The following PUM1 variants were observed in gnomAD, a reference collection of about 807,000 sequenced individuals.
The protein encoded by PUM1 is pumilio homolog 1.
Under a neutral mutation model 131.8 loss-of-function variants are expected in PUM1, and 13 were observed. That is an observed-to-expected ratio of 0.10 (90% CI 0.06 to 0.16). The LOEUF is 0.16. Ranked by LOEUF, PUM1 falls within the 10% of genes least tolerant of loss-of-function variation. PUM1 has a pLI of 1.00. For missense variants in PUM1, 961 were observed against 1,512.4 expected (o/e 0.64, Z 6.05); for synonymous variants, 509 against 556.5 (o/e 0.91, Z 1.20).
At position 30,953,767 on chromosome 1, in the gene PUM1, C is replaced by T. The variant is rs761006925; in HGVS notation, c.2538G>A (p.Leu846=). Residue 846 remains leucine, a synonymous_variant, in exon 15 of 22, where the codon CTG becomes CTA. Transcript: ENST00000426105. ...CCATTATATGTCCAGCAATCTCCCG[C>T]AGTTGTAAATTGGGGTACCGGTTGT... is the stretch of plus-strand genomic sequence containing the variant. The part of the protein sequence containing the change: ...FRNNRYPNLQ[L]REIAGHIMEF... 2 of 1,614,212 alleles carry T rather than the reference C, an allele frequency of 1.2e-6. No homozygotes were observed. The highest frequency in any genetic ancestry group is 1.7e-6 in the Non-Finnish European group (2 of 1,180,040).
At chr1:30,962,831 C>G (rs575079847) in intron 14 of PUM1, among the ~76,000 whole-genome samples, 4 of 152,144 alleles carry the variant, frequency 2.6e-5, no homozygotes, top group Non-Finnish European at 5.9e-5. Flanking sequence ...CAGACACCAT[C>G]TGGCCTATAA....
In PUM1 at chr1:31,008,683, G is replaced by T. The variant is rs369423234; in HGVS notation, c.433-1581C>A. On this transcript the variant is annotated intron_variant, in intron 3 of 21. Coordinates refer to ENST00000426105, the MANE Select transcript of PUM1 (RefSeq NM_001020658.2). The stretch of plus-strand genomic sequence containing the variant: ...TGAAGAAAATATCGTTCAAGTTGCT[G>T]TGATGATTAGAAATATTGTTGATGA... Among the ~76,000 whole-genome samples, 7 of 152,152 alleles carry T rather than the reference G, an allele frequency of 4.6e-5. No homozygotes were observed. The South Asian group carries it at 8.3e-4, about 18-fold the overall frequency.
In PUM1 at chr1:30,936,796, C is replaced by T. The variant is rs150518018; in HGVS notation, c.3282G>A (p.Thr1094=). 4.6e-5 allele frequency: 75 copies of T among 1,613,714 alleles called. No individual in the cohort carries two copies. In the African/African-American group the frequency reaches 7.5e-4, roughly 16 times the overall value. The change falls in exon 21 of 22, where the codon ACG becomes ACA. Residue 1094 remains threonine, a synonymous_variant. Coordinates refer to ENST00000426105, the MANE Select transcript of PUM1 (RefSeq NM_001020658.2). ...VEKCVTHASR[T]ERAVLIDEVC... ...CCTCATCGATGAGCACAGCGCGCTC[C>T]GTACGTGAGGCGTGAGTAACACACT...
In PUM1 at chr1:31,065,660, C is replaced by G. The variant is rs767709044; in HGVS notation, c.-56G>C. 2 of 1,549,896 alleles carry G rather than the reference C, an allele frequency of 1.3e-6. No individual in the cohort carries two copies. The highest frequency in any genetic ancestry group is 1.7e-6 in the Non-Finnish European group (2 of 1,146,872). ...AGATGGATTTCAGCCCCCCGATCTTCTCTCTCTGGCGCTCTCGCTCCCCCT... is the reference window on the plus strand; with the variant it reads ...AGATGGATTTCAGCCCCCCGATCTTGTCTCTCTGGCGCTCTCGCTCCCCCT... On this transcript the variant is annotated 5_prime_UTR_variant, in exon 1 of 22. Coordinates refer to ENST00000426105, the MANE Select transcript of PUM1 (RefSeq NM_001020658.2).
At chr1:30,939,083 T>G (rs1639340594) in intron 20 of PUM1, among the ~76,000 whole-genome samples, 3 of 152,188 alleles carry the variant, frequency 2.0e-5, no homozygotes, top group African/African-American at 4.8e-5. Flanking sequence ...CTTTACTAAT[T>G]CCAATAACTG....
intron 1 of PUM1, among the ~76,000 whole-genome samples, chr1:31,064,725 G>T (rs534197074): frequency 7.4e-4 from 98 of 133,006 alleles, no homozygotes; most frequent in African/African-American, 2.7e-3. Context: ...GCCTTCTCTG[G>T]TAATGCTGTG....
chr1:31,061,911 AGAGT>A (rs1454234489), intron 1 of PUM1: 1 of 152,324 alleles, frequency 6.6e-6, no homozygotes, highest in Non-Finnish European at 1.5e-5. Flanking sequence ...CTTGGGCGAC[AGAGT>A]GAGTTCCTGT....
intron 14 of PUM1, among the ~76,000 whole-genome samples, chr1:30,960,867 C>A (rs80176694): frequency 1.3e-5 from 2 of 151,898 alleles, no homozygotes; most frequent in African/African-American, 4.8e-5. Flanking sequence ...AGAAAATATT[C>A]CCCCAAGAGT....
intron 2 of PUM1, chr1:31,055,318 C>T (rs921039735): frequency 1.8e-5 from 8 of 455,948 alleles, no homozygotes; most frequent in Admixed American, 4.7e-5. Context: ...TTTACCTGAG[C>T]GCAAAACTGA....
chr1:30,941,763 A>G (rs1639446240), intron 19 of PUM1, among the ~76,000 whole-genome samples: 1 of 152,202 alleles, frequency 6.6e-6, no homozygotes, highest in African/African-American at 2.4e-5. Context: ...TGACACCACA[A>G]GTACATGACA....
chr1:31,055,470 T>C (rs1017027981), intron 2 of PUM1: 1 of 444,196 alleles, frequency 2.3e-6, no homozygotes. Context: ...TACAATACAC[T>C]ATAATGACTA....
chr1:31,042,562 A>C (rs917434649), intron 2 of PUM1, among the ~76,000 whole-genome samples: 2 of 152,236 alleles, frequency 1.3e-5, no homozygotes, highest in Non-Finnish European at 2.9e-5. Context: ...GCTTTCACTC[A>C]AAATGGCAGA....
chr1:30,964,809 T>C lies in PUM1; in HGVS notation c.2188A>G (p.Ser730Gly). 1.2e-6 allele frequency: 2 copies of C among 1,614,106 alleles called. No homozygotes were observed. Among genetic ancestry groups the C allele is most frequent in the African/African-American group, 1.3e-5 (1 of 75,016 alleles). Reference protein sequence around the residue: ...TSSSLTPIGHSFYNGLSFSSS... With the variant: ...TSSSLTPIGHGFYNGLSFSSS... ...GAAAAGCTAAGGCCGTTATAAAAAC[T>C]GTGTCCAATGGGGGTCAAGCTGCTC... Residue 730 changes from serine (S) to glycine (G), a missense_variant, in exon 14 of 22, where the codon AGT becomes GGT. This residue lies in a region of PUM1 where 654 missense variants were observed against 923.9 expected (regional missense o/e 0.71). Transcript: ENST00000426105.
chr1:30,970,440 AAAT>A (rs1557561666), intron 10 of PUM1, among the ~76,000 whole-genome samples: 1 of 152,214 alleles, frequency 6.6e-6, no homozygotes, highest in Non-Finnish European at 1.5e-5. Flanking sequence ...GAAATATCTC[AAAT>A]AATGTGTTTA....
intron 4 of PUM1, among the ~76,000 whole-genome samples, chr1:31,006,354 T>C (rs936537862): frequency 6.6e-6 from 1 of 152,220 alleles, no homozygotes; most frequent in Non-Finnish European, 1.5e-5. Flanking sequence ...AAACAAAATA[T>C]GATTTTACTG....
At chr1:30,954,810 C>G (rs1640081111) in intron 14 of PUM1, among the ~76,000 whole-genome samples, 1 of 152,012 alleles carries the variant, frequency 6.6e-6, no homozygotes, top group Non-Finnish European at 1.5e-5. Context: ...TGTCTGTAAA[C>G]CCAACACTTT....
chr1:30,949,547 G>A (rs1322764806), intron 17 of PUM1, among the ~76,000 whole-genome samples: 3 of 151,066 alleles, frequency 2.0e-5, no homozygotes, highest in Non-Finnish European at 4.4e-5. Context: ...GGGACTCTGG[G>A]AAGGGTGAGG....
intron 3 of PUM1, among the ~76,000 whole-genome samples, chr1:31,007,598 C>T (rs1191304243): frequency 6.6e-6 from 1 of 152,226 alleles, no homozygotes; most frequent in Non-Finnish European, 1.5e-5. Flanking sequence ...CCTTTATACA[C>T]AGAGACTCCA....
At chr1:31,039,318 G>A (rs1247284830) in intron 2 of PUM1, among the ~76,000 whole-genome samples, 1 of 151,642 alleles carries the variant, frequency 6.6e-6, no homozygotes, top group Non-Finnish European at 1.5e-5. Flanking sequence ...TGCCTCCCGG[G>A]TTCGTGCCAT....
Sources: gnomAD v4.1 joint callset for allele counts (sites outside exome capture counted in the v4.1 genomes callset) on GRCh38, gnomAD v4.1.1 for gene constraint, gnomAD v4.1.1 regional missense constraint, MANE v1.5 for transcripts, NCBI Gene and HGNC (gene_info 2026-07-23, HGNC 2026-07-21) for gene names.